Variants in EHMT1 observed in about 807,000 individuals in gnomAD.
EHMT1 encodes the protein histone-lysine N-methyltransferase EHMT1.
Under a neutral mutation model 147.2 loss-of-function variants are expected in EHMT1, and 15 were observed. That is an observed-to-expected ratio of 0.10 (90% CI 0.07 to 0.16). The LOEUF is 0.16. EHMT1 is among the 10% of genes least tolerant of loss of function. EHMT1 has a pLI of 1.00. For missense variants in EHMT1, 1,587 were observed against 1,772.4 expected (o/e 0.90, Z 1.88); for synonymous variants, 795 against 709.6 (o/e 1.12, Z -1.91).
intron 4 of EHMT1, among the ~76,000 whole-genome samples, chr9:137,739,229 G>A (rs1165661111): frequency 6.6e-6 from 1 of 151,888 alleles, no homozygotes; most frequent in Admixed American, 6.6e-5. Context: ...AATTAGCCGG[G>A]CGTGGTGGCC....
rs561740532 is a variant in EHMT1 at position 137,820,416 on chromosome 9, C to T, written c.3540+2278C>T. Among the ~76,000 whole-genome samples the T allele has an allele frequency of 3.9e-5, 6 of 152,306 alleles. No individual in the cohort carries two copies. The South Asian group carries it at 1.0e-3, about 26-fold the overall frequency. ...TCCTCACAAAGGCTGTGTTGTCACT[C>T]GTGTGTGCCACAGATGTCGCCTTCT... On this transcript the variant is annotated intron_variant, in intron 25 of 26. Coordinates refer to ENST00000460843, the MANE Select transcript of EHMT1 (RefSeq NM_024757.5).
At chr9:137,826,629 C>T (rs1955828559) in intron 25 of EHMT1, among the ~76,000 whole-genome samples, 1 of 152,238 alleles carries the variant, frequency 6.6e-6, no homozygotes, top group Admixed American at 6.5e-5. Context: ...CATGGAGGGA[C>T]CCTGCCTTCT....
intron 6 of EHMT1, 143 bp downstream of exon 6, chr9:137,744,233 T>C: frequency 1.2e-6 from 1 of 857,714 alleles, no homozygotes; most frequent in Non-Finnish European, 1.8e-6. Flanking sequence ...TATTTTATTT[T>C]TCTTGATTTA....
chr9:137,703,663 C>T (rs2135228617), intron 1 of EHMT1, among the ~76,000 whole-genome samples: 1 of 152,254 alleles, frequency 6.6e-6, no homozygotes, highest in Middle Eastern at 3.4e-3. Flanking sequence ...ACCTCCTCAG[C>T]TTGGACTTCA....
intron 16 of EHMT1, 74 bp from the exon 17 acceptor site, chr9:137,798,738 TG>T: frequency 1.6e-6 from 2 of 1,234,538 alleles, no homozygotes; most frequent in Non-Finnish European, 2.4e-6. Context: ...CGGGTTCTCC[TG>T]GATCCCGCAC....
Position 137,711,038 on chromosome 9 carries a change from C to CG in EHMT1, c.85+10dup. ...CCGAGCTGCTGGGAGAAGGTGAGGG[C>CG]GGTGTGCACCGAGGGACAGGAGCAG... On this transcript the variant is annotated intron_variant, in intron 2 of 26. Transcript: ENST00000460843. 1 of 1,585,176 alleles carries CG rather than the reference C, an allele frequency of 6.3e-7. No individual in the cohort carries two copies. The highest frequency in any genetic ancestry group is 8.6e-7 in the Non-Finnish European group (1 of 1,166,466).
rs150458864 is a variant in EHMT1, at chr9:137,763,246, G to A, written c.1647+426G>A. The A allele has an allele frequency of 1.4e-4, 51 of 355,286 alleles. No homozygotes were observed. The East Asian group carries it at 2.6e-3, about 18-fold the overall frequency. The allele number at this position is 355,286 out of a possible 1,614,324, so 22.0% of individuals were successfully genotyped here. ...CCTCGGCCACCTCCCTCCTTTCACC[G>A]GGGATCACAGACTCAGAGGGTTCAG... On this transcript the variant is annotated intron_variant, in intron 10 of 26. Transcript: ENST00000460843.
At chr9:137,740,558 C>T (rs1227037301) in intron 4 of EHMT1, among the ~76,000 whole-genome samples, 2 of 152,222 alleles carry the variant, frequency 1.3e-5, no homozygotes, top group Non-Finnish European at 2.9e-5. Context: ...GCTGGAAGTC[C>T]CCCTGCAGGA....
chr9:137,698,558 G>A (rs545339912), intron 1 of EHMT1, among the ~76,000 whole-genome samples: 1 of 152,286 alleles, frequency 6.6e-6, no homozygotes, highest in African/African-American at 2.4e-5. Context: ...GCAGGGAGGT[G>A]GCTGGCTATC....
chr9:137,633,819 T>G (rs979868358), intron 1 of EHMT1, among the ~76,000 whole-genome samples: 9 of 149,446 alleles, frequency 6.0e-5, no homozygotes, highest in African/African-American at 2.3e-4. Context: ...CTTTTCACTT[T>G]CTAATTTTTT....
chr9:137,814,551 G>C, intron 22 of EHMT1, 43 bp downstream of exon 22: 1 of 1,593,080 alleles, frequency 6.3e-7, no homozygotes, highest in East Asian at 2.2e-5. Context: ...GGTAAGTGCC[G>C]CTGGTCCGGG....
At chr9:137,780,099 TGTGATGACGCTGGGATGTGTG>T (rs1288437548) in intron 14 of EHMT1, among the ~76,000 whole-genome samples, 1 of 134,024 alleles carries the variant, frequency 7.5e-6, no homozygotes, top group Non-Finnish European at 1.6e-5. Context: ...GATGCTGAGA[TGTGATGACGCTGGGATGTGTG>T]GTGATGACGC....
intron 25 of EHMT1, among the ~76,000 whole-genome samples, chr9:137,821,063 G>C (rs1955375683): frequency 6.6e-6 from 1 of 152,198 alleles, no homozygotes; most frequent in African/African-American, 2.4e-5. Flanking sequence ...ATTTTTAGTA[G>C]AGACAGGGTT....
chr9:137,821,855 ATGGT>A (rs1955447946), intron 25 of EHMT1, among the ~76,000 whole-genome samples: 1 of 152,068 alleles, frequency 6.6e-6, no homozygotes, highest in South Asian at 2.1e-4. Flanking sequence ...GTAATATTTT[ATGGT>A]TTTCTGTGGT....
intron 1 of EHMT1, among the ~76,000 whole-genome samples, chr9:137,632,172 C>T (rs1843676823): frequency 6.6e-6 from 1 of 152,174 alleles, no homozygotes. Flanking sequence ...CCTCATTCAG[C>T]GTCACTTAGA....
rs572750474 is a variant in EHMT1 at position 137,743,355 on chromosome 9, T to C, written c.824-16T>C. 81 of 1,186,842 alleles carry C rather than the reference T, an allele frequency of 6.8e-5. No individual in the cohort carries two copies. The South Asian group carries it at 1.2e-3, about 18-fold the overall frequency. The allele number at this position is 1,186,842 out of a possible 1,614,324, so 73.5% of individuals were successfully genotyped here. ...TTCCTTTCTTGTCCCCTTTTGACTTTTTTTTTTTTTTTTAGCTTGCTTGCC... is the reference window on the plus strand; with the variant it reads ...TTCCTTTCTTGTCCCCTTTTGACTTCTTTTTTTTTTTTTAGCTTGCTTGCC... On this transcript the variant is annotated splice_polypyrimidine_tract_variant and intron_variant, in intron 4 of 26. Coordinates refer to ENST00000460843, the MANE Select transcript of EHMT1 (RefSeq NM_024757.5).
intron 1 of EHMT1, among the ~76,000 whole-genome samples, chr9:137,704,041 A>G (rs940384143): frequency 3.3e-5 from 5 of 152,162 alleles, no homozygotes; most frequent in South Asian, 2.1e-4. Flanking sequence ...TTACCTGGCC[A>G]TAAGGATGAA....
In EHMT1 at chr9:137,775,299, G is replaced by A; in HGVS notation, c.1791+47G>A. 6.3e-7 allele frequency: 1 copy of A among 1,598,804 alleles called. No homozygotes were observed. The highest frequency in any genetic ancestry group is 8.5e-7 in the Non-Finnish European group (1 of 1,178,496). On this transcript the variant is annotated intron_variant, in intron 11 of 26. Coordinates refer to ENST00000460843, the MANE Select transcript of EHMT1 (RefSeq NM_024757.5). The surrounding 1 kb of genome is among the most constrained non-coding windows in gnomAD (Gnocchi z 6.1). ...CTCTGAGTCCTCCGCAGGCTTTGCT[G>A]TCTGCTCACTGGTGCTGGTTCCTGT...
intron 6 of EHMT1, among the ~76,000 whole-genome samples, chr9:137,752,047 CCG>C (rs1240224354): frequency 2.0e-5 from 3 of 152,382 alleles, no homozygotes; most frequent in South Asian, 2.1e-4. Context: ...TTGCCTCAGT[CCG>C]CACCAGGGCA....
Sources: allele counts gnomAD v4.1 joint callset (sites outside exome capture counted in the v4.1 genomes callset), GRCh38; gene constraint gnomAD v4.1.1; non-coding constraint Gnocchi (gnomAD v3.1); transcripts MANE v1.5; gene names NCBI Gene and HGNC (gene_info 2026-07-23, HGNC 2026-07-21).